Variants in DCC observed in about 807,000 individuals in gnomAD.
The protein encoded by DCC is netrin receptor DCC.
In DCC, 58 loss-of-function variants were observed where a neutral mutation model predicts 172.5. That is an observed-to-expected ratio of 0.34 (90% CI 0.27 to 0.42). The LOEUF is 0.42. DCC is among the 10% of genes least tolerant of loss of function. The pLI, the probability that DCC is intolerant of heterozygous loss-of-function variation, is 1.00. For missense variants in DCC, 1,740 were observed against 1,791.0 expected, an observed-to-expected ratio of 0.97 and a Z score of 0.51; for synonymous variants, 709 against 644.5, an observed-to-expected ratio of 1.10 and a Z score of -1.52.
chr18:52,428,755 A>G (rs1419186646), intron 1 of DCC, among the ~76,000 whole-genome samples: 4 of 152,126 alleles, frequency 2.6e-5, no homozygotes, highest in Non-Finnish European at 5.9e-5. Context: ...ATAAATCACC[A>G]GACAAACTAA....
chr18:53,130,229 T>C (rs1278974120), intron 7 of DCC, among the ~76,000 whole-genome samples: 2 of 152,142 alleles, frequency 1.3e-5, no homozygotes, highest in Non-Finnish European at 2.9e-5. Context: ...GGTTTCACTT[T>C]AGAACAACCA....
chr18:53,143,094 C>T (rs1266001317), intron 7 of DCC, among the ~76,000 whole-genome samples: 1 of 152,118 alleles, frequency 6.6e-6, no homozygotes, highest in Non-Finnish European at 1.5e-5. Flanking sequence ...ATAACTTTTA[C>T]CACTCACTAA....
At chr18:53,406,762 A>G (rs1909690914) in intron 19 of DCC, among the ~76,000 whole-genome samples, 1 of 151,818 alleles carries the variant, frequency 6.6e-6, no homozygotes, top group Non-Finnish European at 1.5e-5. Flanking sequence ...AAATGTAGTG[A>G]GAAACCAGTA....
chr18:53,059,269 G>T (rs983260192), intron 5 of DCC, among the ~76,000 whole-genome samples: 2 of 152,098 alleles, frequency 1.3e-5, no homozygotes, highest in Non-Finnish European at 2.9e-5. Context: ...AGATTTGGGT[G>T]GAGACGTAGC....
intron 1 of DCC, among the ~76,000 whole-genome samples, chr18:52,638,026 C>A (rs2144893550): frequency 6.6e-6 from 1 of 152,260 alleles, no homozygotes; most frequent in East Asian, 1.9e-4. Context: ...CCTCCTCAAA[C>A]AAAACAATTA....
At chr18:52,911,935 G>A (rs150763312) in intron 3 of DCC, among the ~76,000 whole-genome samples, 1 of 151,952 alleles carries the variant, frequency 6.6e-6, no homozygotes, top group African/African-American at 2.4e-5. Flanking sequence ...ATTTAAGCCA[G>A]ATGAAGTCCA....
intron 2 of DCC, among the ~76,000 whole-genome samples, chr18:52,782,074 T>C (rs1385109269): frequency 6.6e-6 from 1 of 152,068 alleles, no homozygotes; most frequent in Non-Finnish European, 1.5e-5. Flanking sequence ...TAAAATACAA[T>C]TGAGTAGAAC....
intron 1 of DCC, among the ~76,000 whole-genome samples, chr18:52,638,903 G>C (rs958163641): frequency 6.6e-6 from 1 of 152,010 alleles, no homozygotes. Flanking sequence ...CAGAATACAC[G>C]TTCTATTTAA....
At chr18:52,593,889 A>G (rs2033854289) in intron 1 of DCC, among the ~76,000 whole-genome samples, 2 of 152,236 alleles carry the variant, frequency 1.3e-5, no homozygotes, top group South Asian at 4.1e-4. Flanking sequence ...GCACTGATTC[A>G]TTCCTCCAAT....
intron 12 of DCC, among the ~76,000 whole-genome samples, chr18:53,299,264 A>G (rs2057104462): frequency 6.6e-6 from 1 of 152,202 alleles, no homozygotes; most frequent in East Asian, 1.9e-4. Context: ...TAACTTAGCC[A>G]AATGCCTTAA....
chr18:52,488,436 C>A (rs1461954565), intron 1 of DCC, among the ~76,000 whole-genome samples: 1 of 151,998 alleles, frequency 6.6e-6, no homozygotes, highest in East Asian at 1.9e-4. Flanking sequence ...TAGGATAGAT[C>A]TGAGGTAGGA....
At chr18:52,853,680 G>A (rs190505262) in intron 2 of DCC, among the ~76,000 whole-genome samples, 219 of 152,294 alleles carry the variant, frequency 1.4e-3, no homozygotes, top group African/African-American at 4.8e-3. Context: ...GGACTCTGAG[G>A]TCCTGGAAAC....
chr18:52,767,883 C>G (rs2037279785), intron 2 of DCC, among the ~76,000 whole-genome samples: 1 of 152,106 alleles, frequency 6.6e-6, no homozygotes, highest in Non-Finnish European at 1.5e-5. Context: ...ATAAGATTAC[C>G]AGATAATGCC....
At chr18:53,017,145 G>A (rs1215054023) in intron 5 of DCC, among the ~76,000 whole-genome samples, 2 of 145,768 alleles carry the variant, frequency 1.4e-5, no homozygotes, top group African/African-American at 2.5e-5. Flanking sequence ...GCGCCATCTC[G>A]GCTCACTGCA....
chr18:52,403,324 G>A (rs894846189), intron 1 of DCC, among the ~76,000 whole-genome samples: 3 of 151,926 alleles, frequency 2.0e-5, no homozygotes, highest in Non-Finnish European at 4.4e-5. Context: ...CAGAGATAAG[G>A]GAAAGCTGAA....
chr18:52,439,316 G>C (rs1017292549), intron 1 of DCC, among the ~76,000 whole-genome samples: 1 of 151,914 alleles, frequency 6.6e-6, no homozygotes, highest in African/African-American at 2.4e-5. Context: ...TTAAGTTTAA[G>C]TGAAGAAGTA....
intron 1 of DCC, among the ~76,000 whole-genome samples, chr18:52,694,380 T>G (rs2035978227): frequency 6.6e-6 from 1 of 151,870 alleles, no homozygotes; most frequent in Admixed American, 6.6e-5. Context: ...TGTAAAAAAA[T>G]GTTGAAATCC....
chr18:52,965,550 C>G (rs2040915414), intron 5 of DCC, among the ~76,000 whole-genome samples: 1 of 152,102 alleles, frequency 6.6e-6, no homozygotes, highest in Non-Finnish European at 1.5e-5. Flanking sequence ...AGGGTTAAAA[C>G]TATGGCAGAG....
chr18:52,458,320 A>G (rs990129756), intron 1 of DCC, among the ~76,000 whole-genome samples: 1 of 152,032 alleles, frequency 6.6e-6, no homozygotes, highest in African/African-American at 2.4e-5. Flanking sequence ...AGGGTCACTG[A>G]CCACATGTCT....
Sources: allele counts gnomAD v4.1 joint callset (sites outside exome capture counted in the v4.1 genomes callset), GRCh38; gene constraint gnomAD v4.1.1; transcripts MANE v1.5; gene names NCBI Gene and HGNC (gene_info 2026-07-23, HGNC 2026-07-21).